TMEM94: variants seen among roughly 807,000 people sequenced by gnomAD.
TMEM94 encodes the protein transmembrane protein 94.
A neutral mutation model predicts 158.6 loss-of-function variants in TMEM94; 81 were observed. That is an observed-to-expected ratio of 0.51 (90% CI 0.43 to 0.61). TMEM94 has a LOEUF of 0.61. Ranked by LOEUF, TMEM94 falls within the 20% of genes least tolerant of loss-of-function variation. The probability of loss-of-function intolerance (pLI) is 0.00; values close to 1 mark genes in which losing one functional copy is unlikely to be tolerated. For missense variants in TMEM94, 1,435 were observed against 1,762.0 expected, an observed-to-expected ratio of 0.81 and a Z score of 3.32; for synonymous variants, 751 against 730.7, an observed-to-expected ratio of 1.03 and a Z score of -0.45.
chr17:75,462,233 G>A (rs1372891821), intron 1 of TMEM94, among the ~76,000 whole-genome samples: 1 of 151,584 alleles, frequency 6.6e-6, no homozygotes, highest in Non-Finnish European at 1.5e-5. Flanking sequence ...GGATGGTCTC[G>A]ATCTCTTGAC....
Position 75,479,468 on chromosome 17 carries a change from C to T in TMEM94, c.25-5960C>T, listed in dbSNP as rs1379174168. Among the ~76,000 whole-genome samples the T allele has an allele frequency of 3.3e-5, 5 of 152,002 alleles. No homozygotes were observed. In the East Asian group the frequency reaches 5.8e-4, roughly 18 times the overall value. ...CCGAGTAGGTGAGACTACAGGTGCC[C>T]GCCACCATGCCCAGCTAATTTTTGT... is the stretch of plus-strand genomic sequence containing the variant. On this transcript the variant is annotated intron_variant, in intron 2 of 31. Transcript: ENST00000314256.
intron 1 of TMEM94, among the ~76,000 whole-genome samples, chr17:75,463,922 T>G (rs2050197402): frequency 6.6e-6 from 1 of 152,218 alleles, no homozygotes; most frequent in Admixed American, 6.5e-5. Flanking sequence ...AACACAGATC[T>G]ATCAATTAGT....
intron 5 of TMEM94, among the ~76,000 whole-genome samples, chr17:75,486,659 T>G (rs946845516): frequency 1.3e-5 from 2 of 152,132 alleles, no homozygotes; most frequent in African/African-American, 4.8e-5. Context: ...AGGCCAACAG[T>G]GGCAGGTGGG....
At chr17:75,476,541 C>A (rs574407445) in intron 2 of TMEM94, 13 of 1,440,560 alleles carry the variant, frequency 9.0e-6, no homozygotes, top group Non-Finnish European at 1.1e-5. Context: ...GCGCCTGATT[C>A]TGTGCAGCAC....
rs777626356 is a variant in TMEM94, at chr17:75,498,517, G to A, written c.3712G>A (p.Ala1238Thr). 2.7e-5 allele frequency: 44 copies of A among 1,604,954 alleles called. No individual in the cohort carries two copies. The highest frequency in any genetic ancestry group is 5.1e-5 in the Admixed American group (3 of 59,166). ...GLLSAQKLTAALIVLHTVFIS... is the reference protein window; with the variant it reads ...GLLSAQKLTATLIVLHTVFIS... ...GCTGTCGGCTCAGAAGCTCACGGCCGCCCTGATTGTCCTGCACACTGGTGA... is the reference window on the plus strand; with the variant it reads ...GCTGTCGGCTCAGAAGCTCACGGCCACCCTGATTGTCCTGCACACTGGTGA... The change falls in exon 29 of 32, where the codon GCC becomes ACC. Residue 1238 changes from alanine (A) to threonine (T), a missense_variant. Transcript: ENST00000314256. This position sits in a 1 kb window ranked among gnomAD's most constrained non-coding sequence, Gnocchi z 6.7.
chr17:75,462,510 C>G (rs930736807), intron 1 of TMEM94, among the ~76,000 whole-genome samples: 1 of 151,252 alleles, frequency 6.6e-6, no homozygotes, highest in African/African-American at 2.4e-5. Flanking sequence ...GATGGGAGCT[C>G]ATTGCTTCAC....
chr17:75,487,090 G>A lies in TMEM94; in HGVS notation c.409+664G>A, dbSNP rs2051688714. ...CTAAGTGAGTTTGTCCTTTCGTTCTGAGATGGTTAATTGCCACCATGTGCC... is the reference window on the plus strand; with the variant it reads ...CTAAGTGAGTTTGTCCTTTCGTTCTAAGATGGTTAATTGCCACCATGTGCC... On this transcript the variant is annotated intron_variant, in intron 5 of 31. Coordinates refer to ENST00000314256, the MANE Select transcript of TMEM94 (RefSeq NM_014738.6). This position sits in a 1 kb window ranked among gnomAD's most constrained non-coding sequence, Gnocchi z 4.6. Among the ~76,000 whole-genome samples, 1 of 152,174 alleles carries A rather than the reference G, an allele frequency of 6.6e-6. No homozygotes were observed. Among genetic ancestry groups the A allele is most frequent in the Non-Finnish European group, 1.5e-5 (1 of 68,034 alleles).
Position 75,491,192 on chromosome 17 carries a change from C to A in TMEM94, c.1233+39C>A. ...TTGCGGGGAGGAGGCAACTGTCATGCCCGCCCTGCTCTCTGGCTGGGCCTG... is the reference window on the plus strand; with the variant it reads ...TTGCGGGGAGGAGGCAACTGTCATGACCGCCCTGCTCTCTGGCTGGGCCTG... On this transcript the variant is annotated intron_variant, in intron 12 of 31. Transcript: ENST00000314256. The surrounding 1 kb of genome is among the most constrained non-coding windows in gnomAD (Gnocchi z 5.1). 1 of 1,593,940 alleles carries A rather than the reference C, an allele frequency of 6.3e-7. No individual in the cohort carries two copies. The highest frequency in any genetic ancestry group is 8.6e-7 in the Non-Finnish European group (1 of 1,167,214).
At position 75,487,834 on chromosome 17, in the gene TMEM94, G is replaced by A; in HGVS notation, c.410-98G>A. On this transcript the variant is annotated intron_variant, in intron 5 of 31. Transcript: ENST00000314256. The surrounding 1 kb of genome is among the most constrained non-coding windows in gnomAD (Gnocchi z 4.6). Reference sequence around the variant, plus strand: ...GGTTTGACGCAGACCTCCTGGGAGAGGAAGTGGGCAGACAGTGCTTCCGGA... The same window carrying A: ...GGTTTGACGCAGACCTCCTGGGAGAAGAAGTGGGCAGACAGTGCTTCCGGA... 1 of 972,766 alleles carries A rather than the reference G, an allele frequency of 1.0e-6. No individual in the cohort carries two copies. Among genetic ancestry groups the A allele is most frequent in the South Asian group, 1.5e-5 (1 of 67,834 alleles). The allele number at this position is 972,766 out of a possible 1,614,324, so 60.3% of individuals were successfully genotyped here.
In TMEM94 at chr17:75,489,649, T is replaced by C; in HGVS notation, c.941T>C (p.Leu314Pro). Residue 314 changes from leucine to proline, a missense_variant, in exon 9 of 32, where the codon CTC becomes CCC. Leu to Pro is a moderately conservative substitution (Grantham distance 98, BLOSUM62 -3). Transcript: ENST00000314256. This position sits in a 1 kb window ranked among gnomAD's most constrained non-coding sequence, Gnocchi z 5.0. ...GGGGTCACTTCCTGGCAGTACACCC[T>C]CCTCCAGCTCCAGGCAAGGACCACC... Reference protein sequence around the residue: ...APGVTSWQYTLLQLQVNGVLP... With the variant: ...APGVTSWQYTPLQLQVNGVLP... 6.2e-7 allele frequency: 1 copy of C among 1,613,530 alleles called. No individual in the cohort carries two copies. The highest frequency in any genetic ancestry group is 8.5e-7 in the Non-Finnish European group (1 of 1,179,618).
rs1360442236 is a variant in TMEM94, at chr17:75,493,551, T to G, written c.2147T>G (p.Phe716Cys). The stretch of plus-strand genomic sequence containing the variant: ...GTGGTCTTAGAGGCCTGCACAGACT[T>G]CTGGGACGGAGCTGACATCTACCCT... Reference protein sequence around the residue: ...ADVVLEACTDFWDGADIYPLS... With the variant: ...ADVVLEACTDCWDGADIYPLS... The change falls in exon 17 of 32, where the codon TTC becomes TGC. Residue 716 changes from phenylalanine (F) to cysteine (C), a missense_variant. Phe to Cys is a radical substitution (Grantham distance 205, BLOSUM62 -2). Transcript: ENST00000314256. 6.2e-7 allele frequency: 1 copy of G among 1,613,916 alleles called. No individual in the cohort carries two copies. Among genetic ancestry groups the G allele is most frequent in the East Asian group, 2.2e-5 (1 of 44,876 alleles).
chr17:75,489,446 C>T lies in TMEM94; in HGVS notation c.867+78C>T. 2.0e-6 allele frequency: 3 copies of T among 1,504,922 alleles called. No individual in the cohort carries two copies. The highest frequency in any genetic ancestry group is 1.8e-6 in the Non-Finnish European group (2 of 1,081,972). 93.2% of individuals were successfully genotyped at this position (1,504,922 alleles called of 1,614,324 possible). A position where few individuals can be genotyped will look rare whatever the true frequency, so the allele number is the denominator to read the frequency against. ...CACGGGGGGGTCTCAGGGCCACTCA[C>T]ATGAGCGGGAGTGAATGCAGAGGGT... On this transcript the variant is annotated intron_variant, in intron 8 of 31. Coordinates refer to ENST00000314256, the MANE Select transcript of TMEM94 (RefSeq NM_014738.6). This position sits in a 1 kb window ranked among gnomAD's most constrained non-coding sequence, Gnocchi z 5.0.
chr17:75,488,887 G>A lies in TMEM94; in HGVS notation c.741G>A (p.Glu247=), dbSNP rs774710762. Reference sequence around the variant, plus strand: ...AGCACCGGCTTTTCCGTGTCCTTGAGACCCCTGTGATTGACAACATCAGGT... The same window carrying A: ...AGCACCGGCTTTTCCGTGTCCTTGAAACCCCTGTGATTGACAACATCAGGT... ...PQQHRLFRVL[E]TPVIDNIRWC... is the part of the protein sequence containing the mutation. Residue 247 remains glutamate, a synonymous_variant, in exon 7 of 32, where the codon GAG becomes GAA. Coordinates refer to ENST00000314256, the MANE Select transcript of TMEM94 (RefSeq NM_014738.6). 1.1e-5 allele frequency: 18 copies of A among 1,601,674 alleles called. No individual in the cohort carries two copies. In the Admixed American group the frequency reaches 3.1e-4, roughly 27 times the overall value.
Position 75,489,447 on chromosome 17 carries a change from A to G in TMEM94, c.867+79A>G, listed in dbSNP as rs924683599. ...ACGGGGGGGTCTCAGGGCCACTCACATGAGCGGGAGTGAATGCAGAGGGTC... is the reference window on the plus strand; with the variant it reads ...ACGGGGGGGTCTCAGGGCCACTCACGTGAGCGGGAGTGAATGCAGAGGGTC... On this transcript the variant is annotated intron_variant, in intron 8 of 31. Transcript: ENST00000314256. The surrounding 1 kb of genome is among the most constrained non-coding windows in gnomAD (Gnocchi z 5.0). The G allele has an allele frequency of 1.9e-5, 29 of 1,498,076 alleles. No individual in the cohort carries two copies. Among genetic ancestry groups the G allele is most frequent in the Non-Finnish European group, 2.7e-5 (29 of 1,075,628 alleles). The allele number at this position is 1,498,076 out of a possible 1,614,324, so 92.8% of individuals were successfully genotyped here.
In TMEM94 at chr17:75,497,216, T is replaced by A; in HGVS notation, c.3407+18T>A. On this transcript the variant is annotated intron_variant, in intron 26 of 31. Transcript: ENST00000314256. ...CTGCTCAGGTGAGATGCCATGTATC[T>A]TCCCCACACCCCATGCCTAAGCAGG... The A allele has an allele frequency of 5.6e-6, 9 of 1,600,476 alleles. No individual in the cohort carries two copies. Among genetic ancestry groups the A allele is most frequent in the Non-Finnish European group, 7.7e-6 (9 of 1,168,062 alleles).
chr17:75,469,450 T>TG (rs1412440983), intron 1 of TMEM94, among the ~76,000 whole-genome samples: 1 of 151,500 alleles, frequency 6.6e-6, no homozygotes, highest in East Asian at 2.0e-4. Context: ...GCTCAAGTGA[T>TG]TCTCCTGCCT....
At chr17:75,476,769 G>A (rs757745893) in intron 2 of TMEM94, 40 of 1,535,536 alleles carry the variant, frequency 2.6e-5, no homozygotes, top group Middle Eastern at 1.7e-4. Flanking sequence ...GGGCTTTTAC[G>A]CTTCTCTTTA....
At chr17:75,494,041 C>A in intron 18 of TMEM94, 125 bp downstream of exon 18, 1 of 901,654 alleles carries the variant, frequency 1.1e-6, no homozygotes, top group Non-Finnish European at 1.7e-6. Flanking sequence ...GTGGCCACAG[C>A]CCCAGGCTGG....
Position 75,485,381 on chromosome 17 carries a change from T to C in TMEM94, c.25-47T>C, listed in dbSNP as rs1400570787. 1.3e-6 allele frequency: 2 copies of C among 1,591,006 alleles called. No individual in the cohort carries two copies. The highest frequency in any genetic ancestry group is 1.7e-5 in the Admixed American group (1 of 59,034). On this transcript the variant is annotated intron_variant, in intron 2 of 31. Transcript: ENST00000314256. This position sits in a 1 kb window ranked among gnomAD's most constrained non-coding sequence, Gnocchi z 5.5. ...AGGGTTGGGGCCCGCGTGCCTTGCA[T>C]AGCCTTGGCCTGGCAGTGACGCCCA...
Sources: allele counts gnomAD v4.1 joint callset (sites outside exome capture counted in the v4.1 genomes callset), GRCh38; gene constraint gnomAD v4.1.1; non-coding constraint Gnocchi (gnomAD v3.1); transcripts MANE v1.5; gene names NCBI Gene and HGNC (gene_info 2026-07-23, HGNC 2026-07-21).